The following ZBED6 variants were observed in gnomAD, a reference collection of about 807,000 sequenced individuals.
ZBED6 encodes the protein zinc finger BED domain-containing protein 6.
In ZBED6, 40 loss-of-function variants were observed where a neutral mutation model predicts 58.4. The observed-to-expected ratio is 0.68, with a 90% CI of 0.53 to 0.89. ZBED6 has a LOEUF of 0.89. Ranked by LOEUF, ZBED6 falls within the 40% of genes least tolerant of loss-of-function variation. ZBED6 has a pLI of 0.00. For missense variants in ZBED6, 1,057 were observed against 1,003.9 expected (o/e 1.05, Z -0.71); for synonymous variants, 439 against 350.6 (o/e 1.25, Z -2.82).
At chr1:203,852,269 C>T (rs1402064927) in exon 17 of ZBED6, 1 of 1,613,564 alleles carries the variant, frequency 6.2e-7, no homozygotes, top group Non-Finnish European at 8.5e-7. Flanking sequence ...CCCCCACTCT[C>T]TGTGGAGGAT....
intron 1 of ZBED6, among the ~76,000 whole-genome samples, chr1:203,807,595 T>G (rs1001094636): frequency 7.9e-5 from 12 of 152,056 alleles, no homozygotes; most frequent in Non-Finnish European, 1.3e-4. Flanking sequence ...GATGTGATCA[T>G]AGCTCACTGC....
intron 11 of ZBED6, among the ~76,000 whole-genome samples, chr1:203,843,562 A>G (rs770298586): frequency 2.8e-4 from 42 of 152,210 alleles, no homozygotes; most frequent in Non-Finnish European, 5.4e-4. Context: ...TTTGCAGTCC[A>G]CAGTATTGCA....
exon 1 of ZBED6, chr1:203,797,865 T>C (rs564864482): frequency 6.5e-7 from 1 of 1,536,084 alleles, no homozygotes; most frequent in South Asian, 1.2e-5. Flanking sequence ...AGAAAGTCTT[T>C]TTGAGAGCAA....
chr1:203,807,859 A>G (rs1011912092), intron 1 of ZBED6, among the ~76,000 whole-genome samples: 2 of 152,064 alleles, frequency 1.3e-5, no homozygotes, highest in African/African-American at 4.8e-5. Flanking sequence ...CTTCTGCCTC[A>G]GCGTCCCAAG....
At chr1:203,808,620 T>C (rs1673173820) in intron 1 of ZBED6, among the ~76,000 whole-genome samples, 1 of 152,202 alleles carries the variant, frequency 6.6e-6, no homozygotes, top group Admixed American at 6.5e-5. Flanking sequence ...TCCCTCTTAG[T>C]GACATATGTT....
chr1:203,798,902 A>G, exon 1 of ZBED6: 2 of 1,536,144 alleles, frequency 1.3e-6, no homozygotes, highest in South Asian at 1.2e-5. Flanking sequence ...TACCTCAGTT[A>G]TATGATTGTG....
chr1:203,817,330 C>T (rs1350380201), intron 2 of ZBED6, among the ~76,000 whole-genome samples: 1 of 152,038 alleles, frequency 6.6e-6, no homozygotes, highest in African/African-American at 2.4e-5. Context: ...ATTTTCCCAT[C>T]TTGTACAAAA....
intron 1 of ZBED6, among the ~76,000 whole-genome samples, chr1:203,815,217 T>TTTTTTTC (rs1675913201): frequency 1.7e-4 from 1 of 5,838 alleles, no homozygotes; most frequent in South Asian, 0.013. Flanking sequence ...TTTTCTTTTC[T>TTTTTTTC]TTTTTTTTTT....
chr1:203,852,214 A>G (rs1689483180), exon 17 of ZBED6: 1 of 1,613,420 alleles, frequency 6.2e-7, no homozygotes, highest in African/African-American at 1.3e-5. Flanking sequence ...CTCATCCCAA[A>G]TGAGCATGAA....
At chr1:203,817,289 T>A (rs1676673223) in intron 2 of ZBED6, among the ~76,000 whole-genome samples, 165 bp downstream of exon 2, 1 of 152,194 alleles carries the variant, frequency 6.6e-6, no homozygotes, top group Non-Finnish European at 1.5e-5. Context: ...GGTAATTCAG[T>A]GTTTTTTTCT....
At chr1:203,831,629 T>C (rs185377117) in intron 7 of ZBED6, 32 bp from the exon 8 acceptor site, 55 of 1,576,940 alleles carry the variant, frequency 3.5e-5, no homozygotes, top group Non-Finnish European at 4.8e-5. Context: ...TTTCCATAAA[T>C]TATTTGCTGT....
chr1:203,850,369 G>A, intron 14 of ZBED6, 146 bp from the exon 15 acceptor site: 1 of 1,217,446 alleles, frequency 8.2e-7, no homozygotes. Context: ...ACCACAAATT[G>A]CCTTTGAATC....
At chr1:203,820,033 G>A (rs181027458) in intron 3 of ZBED6, among the ~76,000 whole-genome samples, 7 of 150,756 alleles carry the variant, frequency 4.6e-5, no homozygotes, top group African/African-American at 2.4e-5. Context: ...TCAGGAGTTC[G>A]AGACCAGCCT....
chr1:203,831,817 A>G lies in ZBED6; in HGVS notation c.*3510+46A>G, dbSNP rs767302631. The G allele has an allele frequency of 1.8e-5, 26 of 1,469,472 alleles. 1 individual carries two copies. The Admixed American group carries it at 4.4e-4, about 25-fold the overall frequency. The allele number at this position is 1,469,472 out of a possible 1,614,324, so 91.0% of individuals were successfully genotyped here. On this transcript the variant is annotated intron_variant, in intron 8 of 16. Coordinates refer to ENST00000550078, the Ensembl canonical transcript of ZBED6. ...AGAGTTGTCAAGCCTCTACTTTTAT[A>G]TAATTGGGAATGCAAAATCCTTGGG... is the stretch of plus-strand genomic sequence containing the variant.
intron 1 of ZBED6, among the ~76,000 whole-genome samples, chr1:203,811,143 CAAAAA>C (rs535589700): frequency 2.7e-5 from 2 of 73,628 alleles, no homozygotes; most frequent in Non-Finnish European, 2.9e-5. Flanking sequence ...AACTCTGTCA[CAAAAA>C]AAAAAAAAAA....
At chr1:203,847,059 C>A in intron 11 of ZBED6, 125 bp from the exon 12 acceptor site, 3 of 1,019,476 alleles carry the variant, frequency 2.9e-6, no homozygotes, top group Non-Finnish European at 2.9e-6. Flanking sequence ...CCCTTTTGAT[C>A]CTTTTAATTG....
At chr1:203,847,049 C>A (rs1688106340) in intron 11 of ZBED6, 135 bp from the exon 12 acceptor site, 3 of 912,530 alleles carry the variant, frequency 3.3e-6, no homozygotes, top group Non-Finnish European at 1.7e-6. Context: ...ATAAATGTTA[C>A]CCTTTTGATC....
intron 16 of ZBED6, among the ~76,000 whole-genome samples, chr1:203,851,805 A>G (rs1689341554): frequency 6.9e-6 from 1 of 145,830 alleles, no homozygotes; most frequent in Non-Finnish European, 1.5e-5. Flanking sequence ...TCTAATAAAA[A>G]TCAAAGAAAT....
chr1:203,819,087 T>TACAC (rs202070174), intron 3 of ZBED6, among the ~76,000 whole-genome samples: 589 of 41,420 alleles, frequency 0.014, 5 homozygotes, highest in African/African-American at 0.02. Context: ...AATATATATA[T>TACAC]ATACACACAC....
Sources: gnomAD v4.1 joint callset for allele counts (sites outside exome capture counted in the v4.1 genomes callset) on GRCh38, gnomAD v4.1.1 for gene constraint, MANE v1.5 for transcripts, NCBI Gene and HGNC (gene_info 2026-07-23, HGNC 2026-07-21) for gene names.